Variants in STARD13 observed in about 807,000 individuals in gnomAD.
The protein encoded by STARD13 is StAR related lipid transfer domain containing 13.
Under a neutral mutation model 106.4 loss-of-function variants are expected in STARD13, and 62 were observed. The ratio of observed to expected loss-of-function variants is 0.58; its 90% CI spans 0.48 to 0.72. The LOEUF is 0.72. STARD13 is among the 30% of genes least tolerant of loss of function. STARD13 has a pLI of 0.00. For missense variants in STARD13, 1,387 were observed against 1,424.0 expected, an observed-to-expected ratio of 0.97 and a Z score of 0.42; for synonymous variants, 565 against 553.0, an observed-to-expected ratio of 1.02 and a Z score of -0.31.
the STARD13 span, among the ~76,000 whole-genome samples, chr13:33,375,185 A>C: frequency 4.0e-3 from 614 of 152,284 alleles, 6 homozygotes; most frequent in African/African-American, 0.014. Context: ...GAGACTGGTT[A>C]GGCTCAGGGG....
chr13:33,592,848 G>A, the STARD13 span, among the ~76,000 whole-genome samples: 13 of 152,182 alleles, frequency 8.5e-5, no homozygotes, highest in African/African-American at 3.1e-4. Flanking sequence ...CAGAGAGAGG[G>A]TAATGTAGGC....
At position 33,106,944 on chromosome 13, in the gene STARD13, A is replaced by C; in HGVS notation, c.3048-10T>G. On this transcript the variant is annotated splice_polypyrimidine_tract_variant and intron_variant, in intron 12 of 13. Transcript: ENST00000336934. ...ATCAGTTTTCCAGGTCCTGTAGCAA[A>C]ACAATCCGCACATCAGAGTCATGAC... 6.2e-7 allele frequency: 1 copy of C among 1,609,088 alleles called. No individual in the cohort carries two copies. Among genetic ancestry groups the C allele is most frequent in the Non-Finnish European group, 8.5e-7 (1 of 1,176,964 alleles).
rs1271107352 is a variant in STARD13 at position 33,105,565 on chromosome 13, C to T, written c.*28G>A. ...ACTCGTCACTTTAGCTTCCTCTTCCCTGAGTTTGATGTCACACTGGGCAAA... is the reference window on the plus strand; with the variant it reads ...ACTCGTCACTTTAGCTTCCTCTTCCTTGAGTTTGATGTCACACTGGGCAAA... On this transcript the variant is annotated 3_prime_UTR_variant, in exon 14 of 14. Transcript: ENST00000336934. 1 of 1,505,072 alleles carries T rather than the reference C, an allele frequency of 6.6e-7. No individual in the cohort carries two copies. The highest frequency in any genetic ancestry group is 9.3e-7 in the Non-Finnish European group (1 of 1,080,618). The allele number at this position is 1,505,072 out of a possible 1,614,324, so 93.2% of individuals were successfully genotyped here.
At chr13:33,532,254 C>T in the STARD13 span, among the ~76,000 whole-genome samples, 1 of 152,082 alleles carries the variant, frequency 6.6e-6, no homozygotes, top group Non-Finnish European at 1.5e-5. Context: ...AATTATGTTA[C>T]CTTATTTTCT....
At position 33,111,806 on chromosome 13, in the gene STARD13, A is replaced by G. The variant is rs1474496408; in HGVS notation, c.2579T>C (p.Met860Thr). 5 of 1,613,978 alleles carry G rather than the reference A, an allele frequency of 3.1e-6. No homozygotes were observed. Among genetic ancestry groups the G allele is most frequent in the Non-Finnish European group, 2.5e-6 (3 of 1,179,976 alleles). ...NLAAAQGLAHMIMECDRLFEV... is the reference protein window; with the variant it reads ...NLAAAQGLAHTIMECDRLFEV... ...AAAAAGTCTGTCGCATTCCATGATC[A>G]TGTGCGCTAGCCCCTGAGCTGCTGC... Residue 860 changes from methionine (M) to threonine (T), a missense_variant, in exon 10 of 14, where the codon ATG becomes ACG. Physicochemically the swap from Met to Thr is moderately conservative, Grantham distance 81 (BLOSUM62 -1). Coordinates refer to ENST00000336934, the MANE Select transcript of STARD13 (RefSeq NM_178006.4).
At chr13:33,429,927 TGG>T in the STARD13 span, among the ~76,000 whole-genome samples, 1 of 137,722 alleles carries the variant, frequency 7.3e-6, no homozygotes, top group Non-Finnish European at 1.5e-5. Context: ...ACTTTTTTTT[TGG>T]GGGGGGGGGA....
At chr13:33,349,256 C>T (rs770557386) in intron 1 of STARD13, 1 of 702,090 alleles carries the variant, frequency 1.4e-6, no homozygotes, top group African/African-American at 1.7e-5. Context: ...AGAGACTTGC[C>T]TCAGGGTCAC....
chr13:33,216,741 T>C (rs1231703769), intron 1 of STARD13, among the ~76,000 whole-genome samples: 1 of 152,156 alleles, frequency 6.6e-6, no homozygotes, highest in African/African-American at 2.4e-5. Flanking sequence ...AATATATGGT[T>C]GGTAACATTT....
chr13:33,499,604 T>TTCTTCTTCTTTC, the STARD13 span, among the ~76,000 whole-genome samples: 6 of 39,876 alleles, frequency 1.5e-4, 1 homozygote, highest in Non-Finnish European at 2.0e-4. Flanking sequence ...CTTCTTCTTC[T>TTCTTCTTCTTTC]TTCTTCTTCT....
intron 1 of STARD13, among the ~76,000 whole-genome samples, chr13:33,248,587 C>G (rs1481678552): frequency 6.6e-6 from 1 of 152,194 alleles, no homozygotes; most frequent in Non-Finnish European, 1.5e-5. Flanking sequence ...CCACTCCACA[C>G]TGCTCCCCCA....
chr13:33,295,286 G>A (rs968744721), intron 1 of STARD13, among the ~76,000 whole-genome samples: 2 of 152,180 alleles, frequency 1.3e-5, no homozygotes, highest in African/African-American at 4.8e-5. Context: ...ACAAATTTGA[G>A]AGAGTAGCAA....
chr13:33,577,331 C>T, the STARD13 span, among the ~76,000 whole-genome samples: 1 of 152,168 alleles, frequency 6.6e-6, no homozygotes, highest in Non-Finnish European at 1.5e-5. Context: ...GGTTTTCCCT[C>T]AGCTATAAAT....
chr13:33,300,028 C>T (rs887976480), intron 1 of STARD13, among the ~76,000 whole-genome samples: 1 of 152,178 alleles, frequency 6.6e-6, no homozygotes, highest in Non-Finnish European at 1.5e-5. Context: ...TTTTAAATGG[C>T]TCTAAAGTAT....
At chr13:33,420,637 T>A in the STARD13 span, among the ~76,000 whole-genome samples, 2 of 152,148 alleles carry the variant, frequency 1.3e-5, no homozygotes, top group Non-Finnish European at 1.5e-5. Context: ...CCATCCCAAA[T>A]CAACAGAATA....
chr13:33,305,455 G>A (rs1892871050), intron 1 of STARD13, among the ~76,000 whole-genome samples: 1 of 152,160 alleles, frequency 6.6e-6, no homozygotes, highest in African/African-American at 2.4e-5. Context: ...TATACCTTCT[G>A]AATCAAGATT....
the STARD13 span, among the ~76,000 whole-genome samples, chr13:33,575,298 A>T: frequency 6.6e-6 from 1 of 152,202 alleles, no homozygotes; most frequent in Non-Finnish European, 1.5e-5. Context: ...ATTTATCTAA[A>T]ATATAATTGT....
At chr13:33,661,152 C>T in the STARD13 span, 2 of 152,174 alleles carry the variant, frequency 1.3e-5, no homozygotes, top group African/African-American at 4.8e-5. Flanking sequence ...AGAATAGGAT[C>T]TCATAGTGTT....
Position 33,332,705 on chromosome 13 carries a change from A to G in STARD13, c.124+17585T>C, listed in dbSNP as rs973506285. 7.2e-5 allele frequency among the ~76,000 whole-genome samples: 11 copies of G among 152,276 alleles called. No individual in the cohort carries two copies. The East Asian group carries it at 2.1e-3, about 29-fold the overall frequency. On this transcript the variant is annotated intron_variant, in intron 1 of 5. Coordinates refer to the STARD13 transcript ENST00000567873. ...CACCTTTTCTGTTCATTGTATCCCA[A>G]ATAGCACCCCCTTTCAGTCTCCAGC...
intron 1 of STARD13, among the ~76,000 whole-genome samples, chr13:33,176,895 A>G (rs956493209): frequency 3.3e-5 from 5 of 152,238 alleles, no homozygotes; most frequent in African/African-American, 9.6e-5. Flanking sequence ...ATATAATAGA[A>G]GTTTACAAAT....
Sources: allele counts gnomAD v4.1 joint callset (sites outside exome capture counted in the v4.1 genomes callset), GRCh38; gene constraint gnomAD v4.1.1; transcripts MANE v1.5; gene names NCBI Gene and HGNC (gene_info 2026-07-23, HGNC 2026-07-21).